The following PTPRN2 variants were observed in gnomAD, a reference collection of about 807,000 sequenced individuals.
PTPRN2 encodes the protein receptor-type tyrosine-protein phosphatase N2.
In PTPRN2, 74 loss-of-function variants were observed where a neutral mutation model predicts 118.8. That is an observed-to-expected ratio of 0.62 (90% CI 0.52 to 0.76). The LOEUF (loss-of-function observed/expected upper bound fraction) is 0.76. PTPRN2 is among the 30% of genes least tolerant of loss of function. The pLI, the probability that PTPRN2 is intolerant of heterozygous loss-of-function variation, is 0.00. For synonymous variants in PTPRN2, 641 were observed against 608.0 expected (o/e 1.05, Z -0.80); for missense variants, 1,481 against 1,394.4 (o/e 1.06, Z -0.99).
intron 11 of PTPRN2, among the ~76,000 whole-genome samples, chr7:157,981,648 T>C (rs749224471): frequency 3.9e-5 from 6 of 152,274 alleles, no homozygotes; most frequent in Non-Finnish European, 5.9e-5. Context: ...AATGATTTAA[T>C]GACTTCAATG....
At chr7:157,608,327 C>CAA (rs1319770792) in intron 15 of PTPRN2, among the ~76,000 whole-genome samples, 1 of 152,154 alleles carries the variant, frequency 6.6e-6, no homozygotes, top group Non-Finnish European at 1.5e-5. Context: ...CTCGGCCTCC[C>CAA]AAAGTGCTGG....
chr7:158,337,686 C>G, intron 2 of PTPRN2, among the ~76,000 whole-genome samples: 3 of 150,886 alleles, frequency 2.0e-5, no homozygotes, highest in Admixed American at 1.3e-4. Context: ...AGACGTCACT[C>G]ACACCCACAC....
intron 1 of PTPRN2, among the ~76,000 whole-genome samples, chr7:158,502,874 A>G (rs1024479896): frequency 5.3e-5 from 8 of 151,078 alleles, no homozygotes; most frequent in Non-Finnish European, 7.4e-5. Context: ...TGTGTCCATC[A>G]ACTACTGTGT....
chr7:158,275,732 G>A (rs1023322239), intron 3 of PTPRN2, among the ~76,000 whole-genome samples: 5 of 152,120 alleles, frequency 3.3e-5, no homozygotes, highest in Non-Finnish European at 7.3e-5. Flanking sequence ...CCCACCCTGC[G>A]CACCTCCACG....
At chr7:158,452,661 A>G (rs989450620) in intron 2 of PTPRN2, among the ~76,000 whole-genome samples, 1 of 152,206 alleles carries the variant, frequency 6.6e-6, no homozygotes, top group African/African-American at 2.4e-5. Context: ...GCTCGATAAG[A>G]CAGGTGGAGT....
chr7:158,085,517 A>G (rs1813288035), intron 10 of PTPRN2, among the ~76,000 whole-genome samples: 2 of 119,162 alleles, frequency 1.7e-5, no homozygotes, highest in Admixed American at 8.6e-5. Flanking sequence ...ACGCCCATCC[A>G]CACAGATGCC....
intron 2 of PTPRN2, among the ~76,000 whole-genome samples, chr7:158,317,268 A>C (rs1802411255): frequency 6.6e-6 from 1 of 152,232 alleles, no homozygotes; most frequent in South Asian, 2.1e-4. Flanking sequence ...ACTCAGTGAC[A>C]ACAAAAAAAC....
chr7:157,854,908 AG>A (rs2151214237), intron 12 of PTPRN2: 1 of 171,396 alleles, frequency 5.8e-6, no homozygotes, highest in South Asian at 9.2e-5. Flanking sequence ...GTGCTGTTGC[AG>A]GGATGTGTGT....
intron 10 of PTPRN2, among the ~76,000 whole-genome samples, chr7:158,096,404 C>G (rs1814628830): frequency 6.6e-6 from 1 of 152,182 alleles, no homozygotes; most frequent in South Asian, 2.1e-4. Context: ...TCATTTCATA[C>G]TAGGAAACAA....
intron 7 of PTPRN2, among the ~76,000 whole-genome samples, chr7:158,137,344 C>G (rs6977814): frequency 0.34 from 52,188 of 152,006 alleles, 9,256 homozygotes; most frequent in East Asian, 0.5. Context: ...TTGAACCCGG[C>G]AGGCAAAGTT....
chr7:157,543,435 G>A (rs571271041), intron 22 of PTPRN2, among the ~76,000 whole-genome samples: 6 of 152,360 alleles, frequency 3.9e-5, no homozygotes, highest in South Asian at 2.1e-4. Flanking sequence ...CTGGGTCCAC[G>A]CTGGACAGCG....
intron 13 of PTPRN2, among the ~76,000 whole-genome samples, chr7:157,657,214 C>A (rs1212669035): frequency 1.5e-5 from 2 of 136,872 alleles, no homozygotes; most frequent in East Asian, 4.7e-4. Flanking sequence ...CACACATATA[C>A]ACACACATAC....
intron 11 of PTPRN2, among the ~76,000 whole-genome samples, chr7:157,992,436 G>A (rs930909155): frequency 1.4e-4 from 21 of 152,182 alleles, no homozygotes; most frequent in Admixed American, 1.1e-3. Context: ...TTGGGGGACC[G>A]GCCACACGGT....
chr7:158,146,389 G>T (rs1326127653), intron 6 of PTPRN2, among the ~76,000 whole-genome samples: 2 of 152,060 alleles, frequency 1.3e-5, no homozygotes, highest in Non-Finnish European at 2.9e-5. Flanking sequence ...CCTGTATTGG[G>T]CATCTATTGT....
chr7:158,213,521 T>A (rs1827757979), intron 3 of PTPRN2, among the ~76,000 whole-genome samples: 1 of 152,126 alleles, frequency 6.6e-6, no homozygotes, highest in Non-Finnish European at 1.5e-5. Flanking sequence ...TTGGAATATA[T>A]CACTTAGAGT....
chr7:158,031,941 G>A (rs1447783866), intron 11 of PTPRN2, among the ~76,000 whole-genome samples: 2 of 152,360 alleles, frequency 1.3e-5, no homozygotes, highest in East Asian at 3.9e-4. Context: ...AGCCTCTGAA[G>A]TCTCTGGGTC....
At chr7:158,506,756 C>A (rs1822775813) in intron 1 of PTPRN2, among the ~76,000 whole-genome samples, 1 of 151,830 alleles carries the variant, frequency 6.6e-6, no homozygotes, top group African/African-American at 2.4e-5. Context: ...TGTGACATGA[C>A]AAGGCGGATG....
At chr7:158,209,029 C>T (rs1426298899) in intron 3 of PTPRN2, among the ~76,000 whole-genome samples, 1 of 150,992 alleles carries the variant, frequency 6.6e-6, no homozygotes, top group Non-Finnish European at 1.5e-5. Flanking sequence ...TTATTGTAAC[C>T]TCAAATCAAA....
chr7:158,556,319 C>T (rs1241444780), intron 1 of PTPRN2, among the ~76,000 whole-genome samples: 3 of 151,936 alleles, frequency 2.0e-5, no homozygotes, highest in Non-Finnish European at 4.4e-5. Flanking sequence ...TTTGGGAGGC[C>T]GAGGCGGGCA....
Sources: gnomAD v4.1 joint callset for allele counts (sites outside exome capture counted in the v4.1 genomes callset) on GRCh38, gnomAD v4.1.1 for gene constraint, MANE v1.5 for transcripts, NCBI Gene and HGNC (gene_info 2026-07-23, HGNC 2026-07-21) for gene names.